The following NALF1 variants were observed in gnomAD, a reference collection of about 807,000 sequenced individuals.
NALF1 encodes family with sequence similarity 155 member A.
In NALF1, 3 loss-of-function variants were observed where a neutral mutation model predicts 48.4. That is an observed-to-expected ratio of 0.06 (90% CI 0.03 to 0.16). The LOEUF is 0.16. NALF1 is among the 10% of genes least tolerant of loss of function. The pLI, the probability that NALF1 is intolerant of heterozygous loss-of-function variation, is 1.00. For missense variants in NALF1, 526 were observed against 571.5 expected (o/e 0.92, Z 0.81); for synonymous variants, 262 against 245.7 (o/e 1.07, Z -0.62).
intron 1 of NALF1, among the ~76,000 whole-genome samples, chr13:107,357,496 C>G (rs1882984163): frequency 6.6e-6 from 1 of 152,070 alleles, no homozygotes; most frequent in African/African-American, 2.4e-5. Flanking sequence ...CAATAGCTGC[C>G]TTAGGAGATA....
At chr13:107,196,199 A>G (rs889619090) in intron 2 of NALF1, among the ~76,000 whole-genome samples, 1 of 152,200 alleles carries the variant, frequency 6.6e-6, no homozygotes, top group African/African-American at 2.4e-5. Flanking sequence ...ACTAATGGGT[A>G]CTAGGCTTAA....
At chr13:107,560,771 T>C (rs2138393230) in intron 1 of NALF1, among the ~76,000 whole-genome samples, 1 of 152,312 alleles carries the variant, frequency 6.6e-6, no homozygotes, top group African/African-American at 2.4e-5. Context: ...TATTTTAACA[T>C]CTTTATATTT....
intron 1 of NALF1, among the ~76,000 whole-genome samples, chr13:107,558,044 C>A (rs1001803930): frequency 6.6e-6 from 1 of 151,530 alleles, no homozygotes; most frequent in African/African-American, 2.4e-5. Flanking sequence ...ACAACCCAAC[C>A]AACCCAAGCT....
intron 1 of NALF1, among the ~76,000 whole-genome samples, chr13:107,280,607 C>T (rs1881367696): frequency 6.6e-6 from 1 of 152,148 alleles, no homozygotes; most frequent in African/African-American, 2.4e-5. Flanking sequence ...TGTTTAATGG[C>T]AAACTATTCT....
chr13:107,567,328 A>T (rs575943515), intron 1 of NALF1, among the ~76,000 whole-genome samples: 3 of 152,308 alleles, frequency 2.0e-5, no homozygotes, highest in East Asian at 3.9e-4. Context: ...GATCTCATCT[A>T]ATGTTAATAT....
At chr13:107,598,242 A>G (rs1878812601) in intron 1 of NALF1, among the ~76,000 whole-genome samples, 1 of 152,188 alleles carries the variant, frequency 6.6e-6, no homozygotes, top group South Asian at 2.1e-4. Flanking sequence ...CATTTTGAGC[A>G]CCAATCCCTC....
intron 1 of NALF1, among the ~76,000 whole-genome samples, chr13:107,374,998 TG>T (rs1312866957): frequency 2.6e-5 from 4 of 152,214 alleles, no homozygotes; most frequent in Non-Finnish European, 4.4e-5. Flanking sequence ...TATCCTCCAC[TG>T]GTTTAAAAAA....
At chr13:107,809,626 C>G (rs1878925008) in intron 1 of NALF1, among the ~76,000 whole-genome samples, 1 of 152,090 alleles carries the variant, frequency 6.6e-6, no homozygotes. Context: ...GTCTTTATCA[C>G]CTTGGGGAAG....
At chr13:107,483,233 T>A (rs1885280751) in intron 1 of NALF1, among the ~76,000 whole-genome samples, 1 of 152,194 alleles carries the variant, frequency 6.6e-6, no homozygotes, top group Non-Finnish European at 1.5e-5. Context: ...TGCTTTAAGC[T>A]AAGCTAGGTA....
At chr13:107,716,125 C>A (rs1236835779) in intron 1 of NALF1, among the ~76,000 whole-genome samples, 1 of 152,094 alleles carries the variant, frequency 6.6e-6, no homozygotes, top group African/African-American at 2.4e-5. Context: ...TACCTTAGAT[C>A]CCCCATCAAT....
chr13:107,825,298 T>C (rs1279592783), intron 1 of NALF1, among the ~76,000 whole-genome samples: 8 of 152,238 alleles, frequency 5.3e-5, no homozygotes, highest in African/African-American at 1.2e-4. Context: ...AACTAAAATA[T>C]CTTGTGTCTC....
At position 107,167,110 on chromosome 13, in the gene NALF1, T is replaced by C. The variant is rs1878676119; in HGVS notation, c.*3387A>G. The C allele has an allele frequency of 6.6e-6, 1 of 152,250 alleles. No homozygotes were observed. The highest frequency in any genetic ancestry group is 1.5e-5 in the Non-Finnish European group (1 of 68,042). 9.4% of individuals were successfully genotyped at this position (152,250 alleles called of 1,614,324 possible). On this transcript the variant is annotated 3_prime_UTR_variant, in exon 3 of 3. Coordinates refer to ENST00000375915, the MANE Select transcript of NALF1 (RefSeq NM_001080396.3). ...CATATTCCAGAAACTGAAATTTCTC[T>C]ATTGCAGATAAAAAGAATAATAAAC...
At chr13:107,253,287 T>A (rs7318585) in intron 1 of NALF1, among the ~76,000 whole-genome samples, 4 of 151,966 alleles carry the variant, frequency 2.6e-5, no homozygotes, top group South Asian at 4.2e-4. Flanking sequence ...AGCCCCAAAG[T>A]ATGTCTACAA....
intron 1 of NALF1, among the ~76,000 whole-genome samples, chr13:107,731,322 T>A (rs1335249559): frequency 6.6e-6 from 1 of 152,218 alleles, no homozygotes; most frequent in Non-Finnish European, 1.5e-5. Context: ...CTTTTATATA[T>A]ATGTTCATTC....
rs558904789 is a variant in NALF1 at position 107,250,948 on chromosome 13, T to C, written c.916-40193A>G. On this transcript the variant is annotated intron_variant, in intron 1 of 2. Transcript: ENST00000375915. ...GCTTCTCCTTCATCTTCTGTCATGATTGTAAGTTTCCTGAGGCCTCCCCAG... is the reference window on the plus strand; with the variant it reads ...GCTTCTCCTTCATCTTCTGTCATGACTGTAAGTTTCCTGAGGCCTCCCCAG... Among the ~76,000 whole-genome samples the C allele has an allele frequency of 5.3e-5, 8 of 152,274 alleles. 1 individual carries two copies. In the South Asian group the frequency reaches 1.5e-3, roughly 28 times the overall value.
intron 1 of NALF1, among the ~76,000 whole-genome samples, chr13:107,740,157 C>T (rs3909003): frequency 0.12 from 18,568 of 152,102 alleles, 2,052 homozygotes; most frequent in East Asian, 0.38. Context: ...AATTGCTGCA[C>T]TGAAATCAGT....
At chr13:107,469,946 T>C (rs189583121) in intron 1 of NALF1, among the ~76,000 whole-genome samples, 2,901 of 151,956 alleles carry the variant, frequency 0.019, 47 homozygotes, top group South Asian at 0.035. Context: ...GGTTTCACCG[T>C]GTTAGCCAGG....
At chr13:107,768,409 T>C (rs1351088523) in intron 1 of NALF1, among the ~76,000 whole-genome samples, 1 of 152,200 alleles carries the variant, frequency 6.6e-6, no homozygotes, top group Non-Finnish European at 1.5e-5. Context: ...TTAGAAATAA[T>C]ATTTGAAAAT....
At chr13:107,331,693 T>C (rs12870061) in intron 1 of NALF1, among the ~76,000 whole-genome samples, 5,048 of 152,294 alleles carry the variant, frequency 0.033, 117 homozygotes, top group Middle Eastern at 0.048. Context: ...CAATAGGATT[T>C]AGATAATTGT....
Sources: allele counts gnomAD v4.1 joint callset (sites outside exome capture counted in the v4.1 genomes callset), GRCh38; gene constraint gnomAD v4.1.1; transcripts MANE v1.5; gene names NCBI Gene and HGNC (gene_info 2026-07-23, HGNC 2026-07-21).